The following SRGAP2 variants were observed in gnomAD, a reference collection of about 807,000 sequenced individuals.
SRGAP2 encodes SLIT-ROBO Rho GTPase activating protein 2, also known as SLIT-ROBO Rho GTPase-activating protein 2.
In SRGAP2, 15 loss-of-function variants were observed where a neutral mutation model predicts 57.2. The observed-to-expected ratio is 0.26, with a 90% CI of 0.18 to 0.40. The LOEUF is 0.40. SRGAP2 is among the 10% of genes least tolerant of loss of function. The probability of loss-of-function intolerance (pLI) is 1.00; values close to 1 mark genes in which losing one functional copy is unlikely to be tolerated. For missense variants in SRGAP2, 520 were observed against 669.6 expected (o/e 0.78, Z 2.47); for synonymous variants, 249 against 248.0 (o/e 1.00, Z -0.04).
chr1:206,386,211 A>G (rs1347628422), intron 5 of SRGAP2, among the ~76,000 whole-genome samples: 7 of 152,184 alleles, frequency 4.6e-5, no homozygotes, highest in African/African-American at 1.7e-4. Context: ...ACAACAAAGA[A>G]TTATCTGACC....
At chr1:206,296,528 C>G (rs1671606109) in intron 2 of SRGAP2, among the ~76,000 whole-genome samples, 1 of 151,654 alleles carries the variant, frequency 6.6e-6, no homozygotes, top group Non-Finnish European at 1.5e-5. Context: ...CTCCTGGGCT[C>G]AAGCAAGCCT....
At chr1:206,353,672 G>A (rs1297932737) in intron 4 of SRGAP2, among the ~76,000 whole-genome samples, 1 of 149,938 alleles carries the variant, frequency 6.7e-6, no homozygotes, top group Non-Finnish European at 1.5e-5. Flanking sequence ...TCCAGCCTGG[G>A]AGACAGAGCA....
In SRGAP2 at chr1:206,461,359, C is replaced by T. The variant is rs1471592263; in HGVS notation, c.3155C>T (p.Thr1052Ile). The change falls in exon 23 of 23, where the codon ACT (threonine) becomes ATT (isoleucine). Residue 1052 changes from threonine to isoleucine, a missense_variant. Coordinates refer to ENST00000573034, the MANE Select transcript of SRGAP2 (RefSeq NM_015326.5). ...ACTGTCTTCCCCAAAACAAATGCCA[C>T]TAGCCCTGGTGTCAACTCATCAACT... Reference protein sequence around the residue: ...KPTVFPKTNATSPGVNSSTSP... With the variant: ...KPTVFPKTNAISPGVNSSTSP... The T allele has an allele frequency of 1.3e-6, 1 of 780,876 alleles. No individual in the cohort carries two copies. Among genetic ancestry groups the T allele is most frequent in the Non-Finnish European group, 2.4e-6 (1 of 417,930 alleles). 48.4% of individuals were successfully genotyped at this position (780,876 alleles called of 1,614,324 possible). A position where few individuals can be genotyped will look rare whatever the true frequency, so the allele number is the denominator to read the frequency against.
chr1:206,455,345 T>C, intron 21 of SRGAP2: 1 of 366,382 alleles, frequency 2.7e-6, no homozygotes, highest in South Asian at 2.7e-5. Context: ...TTTGGTCACT[T>C]TATGCAACCT....
chr1:206,307,489 G>A (rs1170492240), intron 3 of SRGAP2, among the ~76,000 whole-genome samples: 4 of 152,294 alleles, frequency 2.6e-5, no homozygotes, highest in Non-Finnish European at 5.9e-5. Flanking sequence ...GGGACTGGGC[G>A]CCATGGAGCA....
Position 206,333,560 on chromosome 1 carries a change from A to G in SRGAP2, c.261-9286A>G, listed in dbSNP as rs1189472165. 1.9e-5 allele frequency: 15 copies of G among 804,196 alleles called. 1 individual carries two copies. Among genetic ancestry groups the G allele is most frequent in the South Asian group, 6.4e-5 (4 of 62,188 alleles). The allele number at this position is 804,196 out of a possible 1,614,324, so 49.8% of individuals were successfully genotyped here. The stretch of plus-strand genomic sequence containing the variant: ...ATTTATTTTTTAAGAGACAGGTCCT[A>G]TGTTGCCCAGGCTGGTCATTTACAG... On this transcript the variant is annotated intron_variant, in intron 3 of 22. Coordinates refer to ENST00000573034, the MANE Select transcript of SRGAP2 (RefSeq NM_015326.5).
In SRGAP2 at chr1:206,437,101, T is replaced by C. The variant is rs1390578637; in HGVS notation, c.1633+59T>C. On this transcript the variant is annotated intron_variant, in intron 15 of 22. Transcript: ENST00000573034. ...TTTGCCAGCCCCCTGGGGTATTGGC[T>C]CCACCCTTTCTTCTCTAAGAGGTCC... 5.1e-6 allele frequency: 4 copies of C among 777,244 alleles called. No homozygotes were observed. The Admixed American group carries it at 6.8e-5, about 13-fold the overall frequency. 48.1% of individuals were successfully genotyped at this position (777,244 alleles called of 1,614,324 possible). A position where few individuals can be genotyped will look rare whatever the true frequency, so the allele number is the denominator to read the frequency against.
chr1:206,412,668 C>A (rs1659322499), intron 10 of SRGAP2, among the ~76,000 whole-genome samples: 1 of 152,178 alleles, frequency 6.6e-6, no homozygotes, highest in Admixed American at 6.5e-5. Flanking sequence ...TCATTAAAAG[C>A]CACCTATTCT....
chr1:206,285,933 T>C (rs1179949208), intron 2 of SRGAP2, among the ~76,000 whole-genome samples: 2 of 152,196 alleles, frequency 1.3e-5, no homozygotes, highest in Non-Finnish European at 2.9e-5. Context: ...CCCAAAGTAC[T>C]GGGATTACAG....
In SRGAP2 at chr1:206,454,187, G is replaced by A. The variant is rs1166537706; in HGVS notation, c.2361-691G>A. On this transcript the variant is annotated intron_variant, in intron 20 of 22. Transcript: ENST00000573034. The surrounding 1 kb of genome is among the most constrained non-coding windows in gnomAD (Gnocchi z 4.3). ...TCTGCACCCTCCCAGCCTCTTCCCG[G>A]CTCGTTCTGCAGGGAAATCCTCCCT... The A allele has an allele frequency of 1.7e-5, 12 of 702,148 alleles. No individual in the cohort carries two copies. Among genetic ancestry groups the A allele is most frequent in the Non-Finnish European group, 2.6e-5 (10 of 384,864 alleles). 43.5% of individuals were successfully genotyped at this position (702,148 alleles called of 1,614,324 possible). A position where few individuals can be genotyped will look rare whatever the true frequency, so the allele number is the denominator to read the frequency against.
intron 17 of SRGAP2, among the ~76,000 whole-genome samples, chr1:206,440,465 GA>G (rs1399487780): frequency 6.6e-6 from 1 of 152,066 alleles, no homozygotes; most frequent in Non-Finnish European, 1.5e-5. Flanking sequence ...CAGAGGAGGA[GA>G]AAAGAGTGCC....
intron 3 of SRGAP2, among the ~76,000 whole-genome samples, chr1:206,307,793 C>G (rs1405664898): frequency 6.6e-6 from 1 of 151,990 alleles, no homozygotes. Flanking sequence ...CCAGCTGGCC[C>G]GCAAGCGCCG....
intron 21 of SRGAP2, 60 bp from the exon 22 acceptor site, chr1:206,458,563 C>G (rs1249216748): frequency 3.0e-6 from 2 of 671,958 alleles, no homozygotes; most frequent in African/African-American, 3.6e-5. Flanking sequence ...TCCCACTTAT[C>G]CTAGCTTCCT....
chr1:206,456,784 G>A (rs1663875872), intron 21 of SRGAP2, among the ~76,000 whole-genome samples: 1 of 152,080 alleles, frequency 6.6e-6, no homozygotes, highest in African/African-American at 2.4e-5. Context: ...GTCGGCCTTT[G>A]AGTCTTACCT....
At chr1:206,395,680 CT>C (rs1287432144) in intron 7 of SRGAP2, among the ~76,000 whole-genome samples, 1 of 151,400 alleles carries the variant, frequency 6.6e-6, no homozygotes, top group Non-Finnish European at 1.5e-5. Context: ...ACTTCCCTAC[CT>C]TTTTCACCGA....
intron 5 of SRGAP2, among the ~76,000 whole-genome samples, chr1:206,391,718 G>A (rs1233318706): frequency 2.7e-5 from 4 of 150,726 alleles, no homozygotes; most frequent in Non-Finnish European, 4.4e-5. Context: ...TTCAGCACTC[G>A]TGAACTCCCT....
At chr1:206,257,735 T>C in intron 2 of SRGAP2, among the ~76,000 whole-genome samples, 1 of 85,980 alleles carries the variant, frequency 1.2e-5, no homozygotes, top group African/African-American at 4.2e-5. Context: ...GAAAGCAGAC[T>C]ATATATATAC....
In SRGAP2 at chr1:206,454,940, C is replaced by T. The variant is rs1553377804; in HGVS notation, c.2423C>T (p.Pro808Leu). 1.3e-6 allele frequency: 1 copy of T among 780,656 alleles called. No homozygotes were observed. The highest frequency in any genetic ancestry group is 1.7e-5 in the African/African-American group (1 of 59,112). 48.4% of individuals were successfully genotyped at this position (780,656 alleles called of 1,614,324 possible). Residue 808 changes from proline (P) to leucine (L), a missense_variant, in exon 21 of 23, where the codon CCT (proline) becomes CTT (leucine). Transcript: ENST00000573034. The surrounding 1 kb of genome is among the most constrained non-coding windows in gnomAD (Gnocchi z 4.3). Reference protein sequence around the residue: ...KSEIEVISEPPEEKVTARAGA... With the variant: ...KSEIEVISEPLEEKVTARAGA... Reference sequence around the variant, plus strand: ...GAGATTGAGGTCATTTCTGAGCCACCTGAAGAAAAGGTGACAGCCAGAGCG... The same window carrying T: ...GAGATTGAGGTCATTTCTGAGCCACTTGAAGAAAAGGTGACAGCCAGAGCG...
intron 2 of SRGAP2, among the ~76,000 whole-genome samples, chr1:206,249,421 G>T (rs1553310751): frequency 6.6e-6 from 1 of 151,990 alleles, no homozygotes; most frequent in East Asian, 1.9e-4. Flanking sequence ...CATAAAAAAA[G>T]AATGAGTTCA....
Sources: allele counts gnomAD v4.1 joint callset (sites outside exome capture counted in the v4.1 genomes callset), GRCh38; gene constraint gnomAD v4.1.1; non-coding constraint Gnocchi (gnomAD v3.1); transcripts MANE v1.5; gene names NCBI Gene and HGNC (gene_info 2026-07-23, HGNC 2026-07-21).